Variants in GLI3 observed in about 807,000 individuals in gnomAD.
The protein encoded by GLI3 is GLI family zinc finger 3, also known as transcription activator GLI3.
In GLI3, 20 loss-of-function variants were observed where a neutral mutation model predicts 100.8. The observed-to-expected ratio is 0.20, with a 90% CI of 0.14 to 0.29. The LOEUF (loss-of-function observed/expected upper bound fraction) is 0.29, where lower values mean the gene tolerates loss of function less well. Ranked by LOEUF, GLI3 falls within the 10% of genes least tolerant of loss-of-function variation. GLI3 has a pLI of 1.00. For missense variants in GLI3, 2,040 were observed against 2,128.5 expected (o/e 0.96, Z 0.82); for synonymous variants, 938 against 860.5 (o/e 1.09, Z -1.58).
rs190164496 is a variant in GLI3 at position 42,120,032 on chromosome 7, C to T, written c.367+28194G>A. Among the ~76,000 whole-genome samples, 18 of 152,262 alleles carry T rather than the reference C, an allele frequency of 1.2e-4. No individual in the cohort carries two copies. In the East Asian group the frequency reaches 1.7e-3, roughly 15 times the overall value. On this transcript the variant is annotated intron_variant, in intron 3 of 14. Coordinates refer to ENST00000395925, the MANE Select transcript of GLI3 (RefSeq NM_000168.6). ...TTGTCTCCATCTGTATTTGACAACC[C>T]GGTGCCATGGGTCTCAAGGCTGAGG...
At chr7:42,120,546 AT>A in intron 3 of GLI3, among the ~76,000 whole-genome samples, 1 of 152,336 alleles carries the variant, frequency 6.6e-6, no homozygotes, top group South Asian at 2.1e-4. Context: ...GTAAACCAGT[AT>A]TTATTAAAAT....
intron 1 of GLI3, among the ~76,000 whole-genome samples, chr7:42,261,233 CAG>C (rs77295067): frequency 1.9e-4 from 28 of 148,142 alleles, no homozygotes; most frequent in Non-Finnish European, 3.3e-4. Context: ...AACACACACA[CAG>C]AGAGAGATTA....
chr7:42,232,889 A>G (rs1178782055), intron 1 of GLI3, among the ~76,000 whole-genome samples: 1 of 152,204 alleles, frequency 6.6e-6, no homozygotes, highest in Non-Finnish European at 1.5e-5. Context: ...CACAGAACAA[A>G]AAACACTTTC....
chr7:42,136,256 G>T (rs1786425579), intron 3 of GLI3, among the ~76,000 whole-genome samples: 1 of 152,206 alleles, frequency 6.6e-6, no homozygotes, highest in Admixed American at 6.5e-5. Context: ...GGGGGCAACA[G>T]GAGCACCATG....
At chr7:42,027,023 G>A (rs1480096450) in intron 7 of GLI3, among the ~76,000 whole-genome samples, 1 of 152,194 alleles carries the variant, frequency 6.6e-6, no homozygotes, top group Admixed American at 6.5e-5. Context: ...TGATCAATGG[G>A]CTTCGATGGA....
At chr7:42,144,188 G>A (rs548535368) in intron 3 of GLI3, among the ~76,000 whole-genome samples, 20 of 152,256 alleles carry the variant, frequency 1.3e-4, no homozygotes, top group African/African-American at 3.4e-4. Flanking sequence ...GAGAGATGGC[G>A]GTTAGAAATA....
At chr7:42,095,343 C>G (rs539238706) in intron 3 of GLI3, among the ~76,000 whole-genome samples, 22 of 152,298 alleles carry the variant, frequency 1.4e-4, no homozygotes, top group African/African-American at 4.8e-4. Context: ...CAGGCCTGTT[C>G]AGGGCTCCTA....
chr7:42,023,525 T>G lies in GLI3; in HGVS notation c.1440A>C (p.Thr480=). The change falls in exon 10 of 15, where the codon ACA becomes ACC. Residue 480 remains threonine, a synonymous_variant. Coordinates refer to ENST00000395925, the MANE Select transcript of GLI3 (RefSeq NM_000168.6). ...SKQEPEVIYE[T]NCHWEGCARE... ...TCGCGCAGCCTTCCCAGTGGCAGTT[T>G]GTCTCATAGATGACTTCAGGCTCCT... is the stretch of plus-strand genomic sequence containing the variant. The G allele has an allele frequency of 6.2e-7, 1 of 1,614,052 alleles. No homozygotes were observed. The highest frequency in any genetic ancestry group is 1.3e-5 in the African/African-American group (1 of 75,004).
chr7:42,210,991 A>G (rs569931270), intron 2 of GLI3, among the ~76,000 whole-genome samples: 23 of 152,358 alleles, frequency 1.5e-4, no homozygotes, highest in Non-Finnish European at 2.8e-4. Context: ...GTATGCTGAT[A>G]TGTGTGTGTG....
intron 2 of GLI3, among the ~76,000 whole-genome samples, chr7:42,203,938 G>A (rs1788097586): frequency 1.3e-5 from 2 of 152,102 alleles, no homozygotes; most frequent in South Asian, 4.2e-4. Context: ...AGTGGAGGTT[G>A]CAATGAGCCG....
At position 42,023,587 on chromosome 7, in the gene GLI3, G is replaced by A. The variant is rs1789008609; in HGVS notation, c.1378C>T (p.Leu460Phe). ...TCTTTGTCCCCTTCCTCCTTGACAA[G>A]GGTTGTTCCTTCGGGCTGTTCCTGA... ...GQQEQPEGTT[L>F]VKEEGDKDES... Residue 460 changes from leucine (L) to phenylalanine (F), a missense_variant, in exon 10 of 15, where the codon CTT becomes TTT. This residue lies in a region of GLI3 where 603 missense variants were observed against 690.9 expected (regional missense o/e 0.87). Transcript: ENST00000395925. 1 of 1,613,616 alleles carries A rather than the reference G, an allele frequency of 6.2e-7. No individual in the cohort carries two copies.
intron 10 of GLI3, among the ~76,000 whole-genome samples, chr7:42,018,853 G>A (rs188192934): frequency 6.6e-6 from 1 of 152,172 alleles, no homozygotes; most frequent in Admixed American, 6.5e-5. Flanking sequence ...AGACTTGAAC[G>A]CCACCCAGTT....
chr7:42,087,930 T>C (rs1490893098), intron 3 of GLI3, among the ~76,000 whole-genome samples: 1 of 152,194 alleles, frequency 6.6e-6, no homozygotes, highest in African/African-American at 2.4e-5. Context: ...GCAAAGAGTT[T>C]GTTTTAAGGG....
chr7:42,032,916 T>C (rs1789334278), intron 7 of GLI3, among the ~76,000 whole-genome samples: 1 of 152,204 alleles, frequency 6.6e-6, no homozygotes, highest in Non-Finnish European at 1.5e-5. Flanking sequence ...CATAACAGCT[T>C]TTCCTAGAGT....
chr7:42,056,256 G>C (rs1012169267), intron 4 of GLI3, among the ~76,000 whole-genome samples: 3 of 152,130 alleles, frequency 2.0e-5, no homozygotes, highest in African/African-American at 7.2e-5. Context: ...TCTGCACTTG[G>C]GAGAGATTTC....
intron 1 of GLI3, among the ~76,000 whole-genome samples, chr7:42,258,439 G>A (rs1266797992): frequency 6.6e-6 from 1 of 152,124 alleles, no homozygotes; most frequent in Admixed American, 6.6e-5. Flanking sequence ...TACTCTGAAG[G>A]TGATTTTGAA....
chr7:42,264,102 T>A (rs182225765), upstream of GLI3, among the ~76,000 whole-genome samples: 1 of 152,274 alleles, frequency 6.6e-6, no homozygotes, highest in East Asian at 1.9e-4. Flanking sequence ...AGCACTTCCC[T>A]ACCCAAAAAT....
intron 3 of GLI3, among the ~76,000 whole-genome samples, chr7:42,141,763 GA>G (rs1053833425): frequency 1.5e-4 from 23 of 152,192 alleles, no homozygotes; most frequent in Non-Finnish European, 3.4e-4. Context: ...AGGATTAGGT[GA>G]CTAAGTTTGG....
chr7:41,986,109 C>T (rs1024578960), intron 10 of GLI3, among the ~76,000 whole-genome samples: 2 of 152,054 alleles, frequency 1.3e-5, no homozygotes, highest in African/African-American at 4.8e-5. Context: ...ACTTTGGGTA[C>T]AAACCAGCAT....
Sources: gnomAD v4.1 joint callset for allele counts (sites outside exome capture counted in the v4.1 genomes callset) on GRCh38, gnomAD v4.1.1 for gene constraint, gnomAD v4.1.1 regional missense constraint, MANE v1.5 for transcripts, NCBI Gene and HGNC (gene_info 2026-07-23, HGNC 2026-07-21) for gene names.